LRRTM4: variants seen among roughly 807,000 people sequenced by gnomAD.
The protein encoded by LRRTM4 is leucine rich repeat transmembrane neuronal 4.
In LRRTM4, 25 loss-of-function variants were observed where a neutral mutation model predicts 47.6. The ratio of observed to expected loss-of-function variants is 0.53; its 90% CI spans 0.38 to 0.73. The LOEUF is 0.73. Ranked by LOEUF, LRRTM4 falls within the 30% of genes least tolerant of loss-of-function variation. LRRTM4 has a pLI of 0.00. For synonymous variants in LRRTM4, 311 were observed against 269.5 expected (o/e 1.15, Z -1.51); for missense variants, 638 against 713.4 (o/e 0.89, Z 1.20).
At chr2:77,480,831 GAGAGAGAGAGAGAGA>G (rs1249753540) in intron 3 of LRRTM4, among the ~76,000 whole-genome samples, 20 of 54,832 alleles carry the variant, frequency 3.6e-4, no homozygotes, top group African/African-American at 1.4e-3. Context: ...TGGAGAGAGA[GAGAGAGAGAGAGAGA>G]GAGAGAGAGA....
At chr2:77,495,778 T>A (rs991615310) in intron 3 of LRRTM4, among the ~76,000 whole-genome samples, 4 of 152,084 alleles carry the variant, frequency 2.6e-5, no homozygotes, top group East Asian at 1.9e-4. Context: ...TACATACCAA[T>A]GTTTTGTAAG....
At position 76,925,312 on chromosome 2, in the gene LRRTM4, T is replaced by A. The variant is rs11892503; in HGVS notation, c.1552-176396A>T. On this transcript the variant is annotated intron_variant, in intron 3 of 3. Transcript: ENST00000409884. ...GGCTTCCAGCAGATGACAGCCTCAATCCTTCAACCTTCAAAGTCTGTTCTG... is the reference window on the plus strand; with the variant it reads ...GGCTTCCAGCAGATGACAGCCTCAAACCTTCAACCTTCAAAGTCTGTTCTG... Among the ~76,000 whole-genome samples the A allele has an allele frequency of 5.1e-3, 776 of 152,204 alleles. 4 individuals carry two copies. The highest frequency in any genetic ancestry group is 0.018 in the African/African-American group (744 of 41,556).
At chr2:77,372,707 T>C (rs149820632) in intron 3 of LRRTM4, among the ~76,000 whole-genome samples, 4 of 151,836 alleles carry the variant, frequency 2.6e-5, no homozygotes, top group East Asian at 1.9e-4. Flanking sequence ...ATGGAAAATA[T>C]ACTGTTGTAG....
intron 3 of LRRTM4, among the ~76,000 whole-genome samples, chr2:77,400,211 TTC>T (rs1491392771): frequency 6.6e-6 from 1 of 151,312 alleles, no homozygotes; most frequent in Non-Finnish European, 1.5e-5. Flanking sequence ...TGATACCGTA[TTC>T]TTTTTTTTCT....
intron 3 of LRRTM4, among the ~76,000 whole-genome samples, chr2:77,514,492 C>A (rs1679136720): frequency 6.6e-6 from 1 of 151,924 alleles, no homozygotes; most frequent in African/African-American, 2.4e-5. Flanking sequence ...AACTGAAAAC[C>A]AGTATATTTT....
chr2:76,893,016 C>T (rs529887137), intron 3 of LRRTM4, among the ~76,000 whole-genome samples: 2 of 149,892 alleles, frequency 1.3e-5, no homozygotes, highest in South Asian at 4.2e-4. Context: ...TTAATTTGAA[C>T]CACAGAGAAA....
intron 3 of LRRTM4, among the ~76,000 whole-genome samples, chr2:77,092,638 T>C (rs556504664): frequency 6.9e-6 from 1 of 145,332 alleles, no homozygotes; most frequent in South Asian, 2.2e-4. Flanking sequence ...AAAACTAAAA[T>C]ACCTCTTAGT....
chr2:77,298,874 A>G (rs945741485), intron 3 of LRRTM4, among the ~76,000 whole-genome samples: 1 of 152,150 alleles, frequency 6.6e-6, no homozygotes, highest in South Asian at 2.1e-4. Flanking sequence ...GATAGCTTAA[A>G]TTATTTTTTC....
chr2:76,770,483 C>G (rs1053130596), intron 3 of LRRTM4, among the ~76,000 whole-genome samples: 2 of 152,076 alleles, frequency 1.3e-5, no homozygotes, highest in Admixed American at 1.3e-4. Flanking sequence ...CCTATGTAAC[C>G]CCCAGCCACC....
At chr2:76,760,057 A>G (rs1046091441) in intron 3 of LRRTM4, among the ~76,000 whole-genome samples, 2 of 152,156 alleles carry the variant, frequency 1.3e-5, no homozygotes, top group Middle Eastern at 3.2e-3. Flanking sequence ...AATATGTGCT[A>G]TAAGAATGTA....
chr2:77,167,847 T>C (rs570485157), intron 3 of LRRTM4, among the ~76,000 whole-genome samples: 1 of 152,056 alleles, frequency 6.6e-6, no homozygotes, highest in Non-Finnish European at 1.5e-5. Context: ...ATATACCTAA[T>C]GTAAATGACA....
At chr2:77,413,149 A>T (rs1379222705) in intron 3 of LRRTM4, among the ~76,000 whole-genome samples, 6 of 152,206 alleles carry the variant, frequency 3.9e-5, no homozygotes, top group Non-Finnish European at 5.9e-5. Flanking sequence ...TATTATTCCC[A>T]GTTCAGTACT....
intron 3 of LRRTM4, among the ~76,000 whole-genome samples, chr2:76,807,099 C>G (rs1290374056): frequency 6.6e-6 from 1 of 151,942 alleles, no homozygotes; most frequent in Admixed American, 6.6e-5. Flanking sequence ...TGTGTGTTAA[C>G]TGCTACAAAC....
chr2:77,222,208 T>C (rs994752511), intron 3 of LRRTM4, among the ~76,000 whole-genome samples: 10 of 151,920 alleles, frequency 6.6e-5, no homozygotes, highest in African/African-American at 2.2e-4. Context: ...TTCAAAGCAG[T>C]ATGTAGAGGG....
intron 3 of LRRTM4, among the ~76,000 whole-genome samples, chr2:77,417,976 G>A (rs901325083): frequency 6.6e-6 from 1 of 152,050 alleles, no homozygotes; most frequent in African/African-American, 2.4e-5. Flanking sequence ...AAGAGAGAGA[G>A]GACTAAAGAG....
At chr2:76,888,327 T>C (rs1388967594) in intron 3 of LRRTM4, among the ~76,000 whole-genome samples, 1 of 151,410 alleles carries the variant, frequency 6.6e-6, no homozygotes, top group Admixed American at 6.6e-5. Flanking sequence ...AGTATATTTA[T>C]ATTTTAATGA....
chr2:76,999,901 C>T (rs1372386559), intron 3 of LRRTM4, among the ~76,000 whole-genome samples: 1 of 152,100 alleles, frequency 6.6e-6, no homozygotes, highest in East Asian at 1.9e-4. Context: ...TACCTTAAAA[C>T]TAAGTTGCTA....
chr2:77,078,704 G>C (rs182940802), intron 3 of LRRTM4, among the ~76,000 whole-genome samples: 5 of 152,150 alleles, frequency 3.3e-5, no homozygotes, highest in Non-Finnish European at 7.4e-5. Context: ...ACCTTGTCCA[G>C]CAAGCAAAAG....
At chr2:77,123,519 C>T (rs1026474347) in intron 3 of LRRTM4, among the ~76,000 whole-genome samples, 5 of 151,892 alleles carry the variant, frequency 3.3e-5, no homozygotes, top group African/African-American at 1.2e-4. Flanking sequence ...ATGTTAAGAA[C>T]CTAAAATAGC....
Sources: allele counts gnomAD v4.1 joint callset (sites outside exome capture counted in the v4.1 genomes callset), GRCh38; gene constraint gnomAD v4.1.1; transcripts MANE v1.5; gene names NCBI Gene and HGNC (gene_info 2026-07-23, HGNC 2026-07-21).